The following KCNMA1 variants were observed in gnomAD, a reference collection of about 807,000 sequenced individuals.
KCNMA1 encodes Calcium-activated potassium channel subunit alpha-1.
In KCNMA1, 29 loss-of-function variants were observed where a neutral mutation model predicts 140.0. That is an observed-to-expected ratio of 0.21 (90% CI 0.15 to 0.28). The LOEUF is 0.28. Ranked by LOEUF, KCNMA1 falls within the 10% of genes least tolerant of loss-of-function variation. KCNMA1 has a pLI of 1.00. For synonymous variants in KCNMA1, 612 were observed against 611.9 expected (o/e 1.00, Z 0.00); for missense variants, 880 against 1,602.2 (o/e 0.55, Z 7.70).
intron 1 of KCNMA1, among the ~76,000 whole-genome samples, chr10:77,565,505 G>A (rs1394310536): frequency 6.6e-6 from 1 of 152,214 alleles, no homozygotes; most frequent in Non-Finnish European, 1.5e-5. Flanking sequence ...AGACATGATT[G>A]AGAAACAGAT....
At chr10:77,133,966 A>G (rs2097918864) in intron 5 of KCNMA1, among the ~76,000 whole-genome samples, 1 of 152,242 alleles carries the variant, frequency 6.6e-6, no homozygotes, top group Non-Finnish European at 1.5e-5. Flanking sequence ...CAGTAGAGAA[A>G]TAGACTCTAT....
chr10:77,205,232 T>C (rs1385798265), intron 3 of KCNMA1, among the ~76,000 whole-genome samples: 1 of 152,180 alleles, frequency 6.6e-6, no homozygotes, highest in Admixed American at 6.6e-5. Flanking sequence ...TTGCTTCAAA[T>C]GATATATTTT....
At chr10:76,992,054 G>T (rs2082924327) in intron 19 of KCNMA1, among the ~76,000 whole-genome samples, 2 of 152,172 alleles carry the variant, frequency 1.3e-5, no homozygotes, top group African/African-American at 4.8e-5. Context: ...TTTGCATAGG[G>T]TTTTCTCTGC....
intron 15 of KCNMA1, among the ~76,000 whole-genome samples, chr10:77,029,740 G>A (rs1423815030): frequency 6.6e-6 from 1 of 152,138 alleles, no homozygotes; most frequent in Admixed American, 6.6e-5. Flanking sequence ...TGGGGAAAGA[G>A]CTTTCTAGGA....
chr10:77,025,240 G>GTATATATATATATATATATATA (rs1384161555), intron 16 of KCNMA1, among the ~76,000 whole-genome samples: 8 of 65,362 alleles, frequency 1.2e-4, no homozygotes, highest in African/African-American at 1.6e-4. Context: ...AGGGGTGTGT[G>GTATATATATATATATATATATA]TGTATATATA....
chr10:77,131,401 C>A (rs1485784764), intron 5 of KCNMA1, among the ~76,000 whole-genome samples: 2 of 151,476 alleles, frequency 1.3e-5, no homozygotes, highest in African/African-American at 2.4e-5. Flanking sequence ...AACAAAAAAA[C>A]ACTGTCAAGT....
At chr10:77,063,614 C>A (rs550686179) in intron 14 of KCNMA1, 8 of 526,996 alleles carry the variant, frequency 1.5e-5, no homozygotes, top group Non-Finnish European at 1.9e-5. Context: ...AATTCCTCAT[C>A]ATTGTTCTGG....
intron 19 of KCNMA1, chr10:76,978,718 T>C (rs967650323): frequency 1.3e-5 from 2 of 152,160 alleles, no homozygotes; most frequent in African/African-American, 2.4e-5. Flanking sequence ...GGTCCCCCGA[T>C]GTGTATCAAG....
chr10:76,914,896 CAG>C, intron 24 of KCNMA1, 38 bp downstream of exon 24: 1 of 1,409,852 alleles, frequency 7.1e-7, no homozygotes, highest in Non-Finnish European at 1.0e-6. Flanking sequence ...GTTTGAAAGA[CAG>C]AACAAAAACT....
intron 14 of KCNMA1, among the ~76,000 whole-genome samples, chr10:77,067,025 G>A (rs1379177953): frequency 2.0e-5 from 3 of 152,170 alleles, no homozygotes; most frequent in East Asian, 1.9e-4. Flanking sequence ...AATAAGAATT[G>A]CTTGCTGTGA....
intron 12 of KCNMA1, among the ~76,000 whole-genome samples, chr10:77,080,495 G>T (rs918298343): frequency 1.3e-4 from 20 of 152,176 alleles, no homozygotes; most frequent in African/African-American, 4.6e-4. Flanking sequence ...CTATCCTGAG[G>T]GGTTGCAGAC....
At chr10:77,008,084 A>C (rs2089637007) in intron 18 of KCNMA1, 1 of 1,205,192 alleles carries the variant, frequency 8.3e-7, no homozygotes, top group Non-Finnish European at 1.2e-6. Flanking sequence ...TACCAAAAGT[A>C]AAAGGGAAAC....
intron 2 of KCNMA1, among the ~76,000 whole-genome samples, chr10:77,362,355 C>T (rs1359585379): frequency 2.3e-5 from 2 of 88,840 alleles, no homozygotes; most frequent in Admixed American, 2.4e-4. Flanking sequence ...CCCCCCCCAC[C>T]CCCCCCACCC....
chr10:77,281,117 C>A (rs1481720046), intron 2 of KCNMA1, among the ~76,000 whole-genome samples: 1 of 151,832 alleles, frequency 6.6e-6, no homozygotes. Flanking sequence ...ATCCATAAAT[C>A]AGAAAATATC....
At chr10:77,316,341 T>C (rs183030721) in intron 2 of KCNMA1, among the ~76,000 whole-genome samples, 1 of 152,350 alleles carries the variant, frequency 6.6e-6, no homozygotes, top group African/African-American at 2.4e-5. Context: ...GAGGTAACGA[T>C]GACCTTGGAA....
At chr10:76,914,682 A>G (rs916785900) in intron 24 of KCNMA1, 5 of 419,220 alleles carry the variant, frequency 1.2e-5, no homozygotes, top group African/African-American at 6.1e-5. Flanking sequence ...TCGCAAATCC[A>G]TCATCTCATG....
intron 5 of KCNMA1, among the ~76,000 whole-genome samples, chr10:77,182,001 T>TA (rs35786811): frequency 6.6e-6 from 1 of 152,138 alleles, no homozygotes; most frequent in Admixed American, 6.6e-5. Context: ...GCTTATTTTT[T>TA]AAAAAAATAC....
chr10:77,326,762 T>C (rs1186544689), intron 2 of KCNMA1, among the ~76,000 whole-genome samples: 1 of 152,104 alleles, frequency 6.6e-6, no homozygotes, highest in African/African-American at 2.4e-5. Flanking sequence ...GAGCATTGGA[T>C]TCAAAGTCAA....
At chr10:76,955,532 A>T (rs2067917614) in intron 20 of KCNMA1, among the ~76,000 whole-genome samples, 1 of 152,238 alleles carries the variant, frequency 6.6e-6, no homozygotes, top group African/African-American at 2.4e-5. Flanking sequence ...CTAGACTACT[A>T]TAGGAATATC....
Sources: gnomAD v4.1 joint callset for allele counts (sites outside exome capture counted in the v4.1 genomes callset) on GRCh38, gnomAD v4.1.1 for gene constraint, MANE v1.5 for transcripts, NCBI Gene and HGNC (gene_info 2026-07-23, HGNC 2026-07-21) for gene names.